SLC3A2: variants seen among roughly 807,000 people sequenced by gnomAD.
SLC3A2 encodes the protein amino acid transporter heavy chain SLC3A2.
Under a neutral mutation model 48.5 loss-of-function variants are expected in SLC3A2, and 32 were observed. The ratio of observed to expected loss-of-function variants is 0.66; its 90% CI spans 0.50 to 0.89. The LOEUF (loss-of-function observed/expected upper bound fraction) is 0.89. Ranked by LOEUF, SLC3A2 falls within the 40% of genes least tolerant of loss-of-function variation. The pLI is 0.00. For missense variants in SLC3A2, 587 were observed against 680.7 expected, an observed-to-expected ratio of 0.86 and a Z score of 1.53; for synonymous variants, 277 against 288.8, an observed-to-expected ratio of 0.96 and a Z score of 0.41.
chr11:62,877,332 T>C (rs974484525), upstream of SLC3A2, among the ~76,000 whole-genome samples: 1 of 152,192 alleles, frequency 6.6e-6, no homozygotes, highest in Non-Finnish European at 1.5e-5. Flanking sequence ...AAGTGCTGAT[T>C]ACAGGTGTGA....
At position 62,888,136 on chromosome 11, in the gene SLC3A2, C is replaced by T; in HGVS notation, c.1145C>T (p.Pro382Leu). The T allele has an allele frequency of 6.2e-7, 1 of 1,613,354 alleles. No homozygotes were observed. The highest frequency in any genetic ancestry group is 8.5e-7 in the Non-Finnish European group (1 of 1,179,820). ...AGTCCTATTTTCTCTGCTTTTCAGC[C>T]TATGGAGGCTCCAGTCATGCTGTGG... ...GLDAAALPGQPMEAPVMLWDE... is the reference protein window; with the variant it reads ...GLDAAALPGQLMEAPVMLWDE... Residue 382 changes from proline to leucine, a missense_variant and splice_region_variant, in exon 8 of 9, where the codon CCT (proline) becomes CTT (leucine). Coordinates refer to ENST00000338663, the MANE Select transcript of SLC3A2 (RefSeq NM_001013251.3).
chr11:62,858,772 A>T (rs2085365929), intron 1 of SLC3A2, among the ~76,000 whole-genome samples: 1 of 152,170 alleles, frequency 6.6e-6, no homozygotes, highest in Non-Finnish European at 1.5e-5. Flanking sequence ...GCAGACAAAC[A>T]CGTGAACAAA....
chr11:62,883,724 A>T (rs2085671447), intron 3 of SLC3A2: 1 of 260,158 alleles, frequency 3.8e-6, no homozygotes, highest in Non-Finnish European at 7.8e-6. Context: ...AAAGTTGCTG[A>T]TGAGGGAATG....
At chr11:62,866,465 G>C in intron 1 of SLC3A2, among the ~76,000 whole-genome samples, 1 of 151,678 alleles carries the variant, frequency 6.6e-6, no homozygotes, top group East Asian at 1.9e-4. Flanking sequence ...GCACGATCTT[G>C]GCTCACTGTA....
chr11:62,882,883 A>G (rs759034950), intron 2 of SLC3A2, 25 bp from the exon 3 acceptor site: 3 of 1,571,626 alleles, frequency 1.9e-6, no homozygotes, highest in Non-Finnish European at 2.6e-6. Context: ...CTGTCTCATG[A>G]TTGCGTCTTC....
chr11:62,857,829 G>A (rs557261771), intron 1 of SLC3A2, among the ~76,000 whole-genome samples: 11 of 152,088 alleles, frequency 7.2e-5, no homozygotes, highest in African/African-American at 1.2e-4. Context: ...TAGAGTGTCT[G>A]GGCCTGAAAG....
chr11:62,882,056 TAA>T lies in SLC3A2; in HGVS notation c.595_596del (p.Lys199GlufsTer15), dbSNP rs760089491. On this transcript the variant is annotated frameshift_variant, in exon 2 of 9. Coordinates refer to ENST00000338663, the MANE Select transcript of SLC3A2 (RefSeq NM_001013251.3). LOFTEE classifies it high-confidence loss of function. ...ATTTTGACAGTCTCTTGCAATCGGC[TAA>T]AAAAAAGAGTGGGTATCCTGGGGTT... ...EDFDSLLQSA[K>X]KKSIRVILDL... The T allele has an allele frequency of 1.9e-6, 3 of 1,613,136 alleles. No homozygotes were observed. In the African/African-American group the frequency reaches 4.0e-5, roughly 22 times the overall value.
At chr11:62,874,111 C>T (rs1029906630) in intron 1 of SLC3A2, among the ~76,000 whole-genome samples, 1 of 148,506 alleles carries the variant, frequency 6.7e-6, no homozygotes, top group African/African-American at 2.5e-5. Flanking sequence ...GATTCTCTTC[C>T]TCAGAGTGTG....
rs558430134 is a variant in SLC3A2 at position 62,883,754 on chromosome 11, G to C, written c.691-703G>C. ...GGAATGTTTTTGGATGGTTTGGCAT[G>C]AGGGGCGGTACCCTCAGATGGAAAT... On this transcript the variant is annotated intron_variant, in intron 3 of 8. Transcript: ENST00000338663. The C allele has an allele frequency of 2.8e-5, 8 of 284,784 alleles. No individual in the cohort carries two copies. The East Asian group carries it at 6.2e-4, about 22-fold the overall frequency. 17.6% of individuals were successfully genotyped at this position (284,784 alleles called of 1,614,324 possible). A position where few individuals can be genotyped will look rare whatever the true frequency, so the allele number is the denominator to read the frequency against.
At chr11:62,875,009 C>T (rs971202304) in intron 1 of SLC3A2, among the ~76,000 whole-genome samples, 37 of 152,122 alleles carry the variant, frequency 2.4e-4, no homozygotes, top group Non-Finnish European at 1.9e-4. Flanking sequence ...ATGATCTGCC[C>T]GCCTCATTCT....
At chr11:62,867,297 C>A in intron 1 of SLC3A2, among the ~76,000 whole-genome samples, 1 of 145,524 alleles carries the variant, frequency 6.9e-6, no homozygotes, top group Non-Finnish European at 1.5e-5. Flanking sequence ...TGGCCTATTT[C>A]CCTTTATTCT....
intron 7 of SLC3A2, among the ~76,000 whole-genome samples, chr11:62,887,003 G>A (rs1041724089): frequency 6.6e-6 from 1 of 152,066 alleles, no homozygotes; most frequent in Non-Finnish European, 1.5e-5. Context: ...CTCCCAAACT[G>A]CTATGATTAC....
At chr11:62,858,332 G>C (rs1267810409) in intron 1 of SLC3A2, among the ~76,000 whole-genome samples, 1 of 152,176 alleles carries the variant, frequency 6.6e-6, no homozygotes. Context: ...GTTGCCTTGC[G>C]ACAATATTGT....
chr11:62,858,341 GTC>G (rs1161403497), intron 1 of SLC3A2, among the ~76,000 whole-genome samples: 1 of 152,190 alleles, frequency 6.6e-6, no homozygotes. Flanking sequence ...CGACAATATT[GTC>G]TCTGTGTGAT....
chr11:62,886,135 C>A (rs539089437), intron 7 of SLC3A2, among the ~76,000 whole-genome samples: 1 of 152,112 alleles, frequency 6.6e-6, no homozygotes, highest in South Asian at 2.1e-4. Flanking sequence ...ACTAAAAATA[C>A]AAAAATTAGC....
rs932890086 is a variant in SLC3A2 at position 62,881,378 on chromosome 11, C to G, written c.355C>G (p.His119Asp). 6.3e-7 allele frequency: 1 copy of G among 1,596,928 alleles called. No homozygotes were observed. The highest frequency in any genetic ancestry group is 8.5e-7 in the Non-Finnish European group (1 of 1,177,410). Residue 119 changes from histidine (H) to aspartate (D), a missense_variant, in exon 1 of 9, where the codon CAC becomes GAC. Physicochemically the swap from His to Asp is moderately conservative, Grantham distance 81. Transcript: ENST00000338663. The surrounding 1 kb of genome is among the most constrained non-coding windows in gnomAD (Gnocchi z 4.0). Reference sequence around the variant, plus strand: ...CGAGCTACCGGCGCAGAAGTGGTGGCACACGGGCGCCCTCTACCGCATCGG... The same window carrying G: ...CGAGCTACCGGCGCAGAAGTGGTGGGACACGGGCGCCCTCTACCGCATCGG... ...CRELPAQKWW[H>D]TGALYRIGDL...
At chr11:62,861,272 G>A (rs2085395681) in intron 1 of SLC3A2, among the ~76,000 whole-genome samples, 1 of 151,984 alleles carries the variant, frequency 6.6e-6, no homozygotes, top group African/African-American at 2.4e-5. Context: ...GGAGTTCAAG[G>A]CTGCAGTGAG....
intron 1 of SLC3A2, among the ~76,000 whole-genome samples, chr11:62,858,358 TAGTC>T (rs1175678293): frequency 3.3e-5 from 5 of 152,178 alleles, no homozygotes; most frequent in Non-Finnish European, 7.3e-5. Flanking sequence ...TGTGATCAGA[TAGTC>T]AGTTTTCAAA....
chr11:62,867,067 C>T (rs148849416), intron 1 of SLC3A2, among the ~76,000 whole-genome samples: 2,646 of 151,610 alleles, frequency 0.017, 73 homozygotes, highest in African/African-American at 0.059. Context: ...CTCGGCTCGC[C>T]GCAACCTCCG....
Sources: allele counts gnomAD v4.1 joint callset (sites outside exome capture counted in the v4.1 genomes callset), GRCh38; gene constraint gnomAD v4.1.1; non-coding constraint Gnocchi (gnomAD v3.1); transcripts MANE v1.5; gene names NCBI Gene and HGNC (gene_info 2026-07-23, HGNC 2026-07-21).